Variants in DLGAP1 observed in about 807,000 individuals in gnomAD.
The protein encoded by DLGAP1 is DLG associated protein 1.
Under a neutral mutation model 90.8 loss-of-function variants are expected in DLGAP1, and 11 were observed. The ratio of observed to expected loss-of-function variants is 0.12; its 90% CI spans 0.08 to 0.20. The LOEUF (loss-of-function observed/expected upper bound fraction) is 0.20. Among genes scored for constraint, DLGAP1 ranks in the 10% least tolerant of loss-of-function variants. The pLI, the probability that DLGAP1 is intolerant of heterozygous loss-of-function variation, is 1.00. For missense variants in DLGAP1, 1,050 were observed against 1,333.8 expected, an observed-to-expected ratio of 0.79 and a Z score of 3.31; for synonymous variants, 558 against 540.7, an observed-to-expected ratio of 1.03 and a Z score of -0.44.
intron 2 of DLGAP1, among the ~76,000 whole-genome samples, chr18:4,101,571 GC>G (rs1361989956): frequency 6.6e-6 from 1 of 152,086 alleles, no homozygotes; most frequent in African/African-American, 2.4e-5. Context: ...ACGCAGGGTT[GC>G]CACAAACCTT....
intron 1 of DLGAP1, among the ~76,000 whole-genome samples, chr18:4,321,736 G>T (rs535199754): frequency 6.6e-6 from 1 of 152,302 alleles, no homozygotes; most frequent in African/African-American, 2.4e-5. Flanking sequence ...TATTTTATCA[G>T]TTAAGACATT....
chr18:4,336,627 T>A (rs1020729667), intron 1 of DLGAP1, among the ~76,000 whole-genome samples: 1 of 152,160 alleles, frequency 6.6e-6, no homozygotes, highest in Non-Finnish European at 1.5e-5. Flanking sequence ...TCTAATCTTA[T>A]CTCATGTAAG....
At chr18:3,943,742 T>G (rs564965101) in intron 3 of DLGAP1, among the ~76,000 whole-genome samples, 174 of 152,338 alleles carry the variant, frequency 1.1e-3, no homozygotes, top group African/African-American at 3.9e-3. Flanking sequence ...TAACCCCCAG[T>G]GTCTCGGAAT....
intron 6 of DLGAP1, among the ~76,000 whole-genome samples, chr18:3,737,417 T>C (rs2062694257): frequency 7.1e-6 from 1 of 141,070 alleles, no homozygotes; most frequent in Non-Finnish European, 1.5e-5. Context: ...TCAAAAAGCT[T>C]ATCCACCATG....
In DLGAP1 at chr18:3,729,989, G is replaced by A. The variant is rs1357453070; in HGVS notation, c.1351-614C>T. Among the ~76,000 whole-genome samples, 1 of 152,170 alleles carries A rather than the reference G, an allele frequency of 6.6e-6. No homozygotes were observed. Among genetic ancestry groups the A allele is most frequent in the African/African-American group, 2.4e-5 (1 of 41,436 alleles). On this transcript the variant is annotated intron_variant, in intron 6 of 12. Transcript: ENST00000315677. The surrounding 1 kb of genome is among the most constrained non-coding windows in gnomAD (Gnocchi z 6.2). ...AAACATGCCCTATATTTTCTGGCAA[G>A]ATACTCACGTTTTGCACAAAAATAG...
chr18:3,747,316 T>C lies in DLGAP1; in HGVS notation c.1173-4804A>G, dbSNP rs1299639871. ...ATTTTCCATGTGTTACGTGCTATTA[T>C]GGTGATTCCAGCTGCATCGCTTTAT... On this transcript the variant is annotated intron_variant, in intron 5 of 12. Transcript: ENST00000315677. 4.6e-5 allele frequency among the ~76,000 whole-genome samples: 7 copies of C among 152,238 alleles called. No homozygotes were observed. The East Asian group carries it at 1.2e-3, about 25-fold the overall frequency.
intron 4 of DLGAP1, among the ~76,000 whole-genome samples, chr18:3,832,122 A>G (rs2068062665): frequency 6.6e-6 from 1 of 152,214 alleles, no homozygotes; most frequent in Non-Finnish European, 1.5e-5. Context: ...GCATATAGAA[A>G]TAACCAGAAC....
chr18:4,053,640 C>T (rs2075169586), intron 2 of DLGAP1, among the ~76,000 whole-genome samples: 1 of 152,180 alleles, frequency 6.6e-6, no homozygotes, highest in Non-Finnish European at 1.5e-5. Flanking sequence ...GCCTGCTTCC[C>T]CTTCACCTTT....
intron 3 of DLGAP1, among the ~76,000 whole-genome samples, chr18:3,941,199 G>A (rs1267178929): frequency 1.3e-5 from 2 of 152,344 alleles, no homozygotes; most frequent in African/African-American, 4.8e-5. Context: ...ACCGGTAACT[G>A]GAGGTACAAA....
chr18:4,152,224 G>T (rs1598492785), intron 1 of DLGAP1, among the ~76,000 whole-genome samples: 1 of 152,202 alleles, frequency 6.6e-6, no homozygotes, highest in East Asian at 1.9e-4. Context: ...TATTCTTTTG[G>T]ATCTAGGTAG....
At chr18:4,409,677 G>T (rs2082735564) in intron 1 of DLGAP1, among the ~76,000 whole-genome samples, 1 of 152,048 alleles carries the variant, frequency 6.6e-6, no homozygotes, top group African/African-American at 2.4e-5. Context: ...TAGTGATGTT[G>T]ATAATTTTTT....
intron 1 of DLGAP1, among the ~76,000 whole-genome samples, chr18:4,335,545 T>A (rs913583780): frequency 6.7e-6 from 1 of 149,692 alleles, no homozygotes; most frequent in Admixed American, 6.6e-5. Context: ...TTACTTTAAC[T>A]GCAATGGGAA....
At chr18:4,274,742 A>C (rs2079371283) in intron 1 of DLGAP1, among the ~76,000 whole-genome samples, 1 of 152,208 alleles carries the variant, frequency 6.6e-6, no homozygotes, top group Non-Finnish European at 1.5e-5. Flanking sequence ...GAGTATTTGA[A>C]AACCCCGCTT....
At chr18:4,304,421 T>C (rs1015604432) in intron 1 of DLGAP1, among the ~76,000 whole-genome samples, 5 of 152,236 alleles carry the variant, frequency 3.3e-5, no homozygotes, top group African/African-American at 1.2e-4. Context: ...TGCTTTTTCA[T>C]ATTAATGTTT....
chr18:3,755,869 T>A (rs956361000), intron 5 of DLGAP1, among the ~76,000 whole-genome samples: 24 of 152,126 alleles, frequency 1.6e-4, no homozygotes, highest in African/African-American at 5.8e-4. Context: ...ATACATACTA[T>A]TTTCAAGTGC....
At chr18:3,592,934 A>C (rs1207199982) in intron 7 of DLGAP1, among the ~76,000 whole-genome samples, 2 of 151,992 alleles carry the variant, frequency 1.3e-5, no homozygotes, top group Non-Finnish European at 2.9e-5. Context: ...GAAAAGAAAA[A>C]GAAGAAAATA....
rs796485594 is a variant in DLGAP1, at chr18:3,782,467, G to C, written c.1172+31592C>G. ...CCAAGATTTAAAGTATGAAGCATTC[G>C]GCACAAAACAAAGACTAATCATGTG... On this transcript the variant is annotated intron_variant, in intron 5 of 12. Transcript: ENST00000315677. Among the ~76,000 whole-genome samples the C allele has an allele frequency of 8.4e-4, 128 of 152,232 alleles. 1 individual carries two copies. The highest frequency in any genetic ancestry group is 3.0e-3 in the African/African-American group (126 of 41,534).
intron 2 of DLGAP1, among the ~76,000 whole-genome samples, chr18:4,015,172 G>A (rs2074500215): frequency 6.6e-6 from 1 of 152,160 alleles, no homozygotes; most frequent in Non-Finnish European, 1.5e-5. Context: ...CACTTAGAGA[G>A]ACTTACAGAG....
Position 4,379,899 on chromosome 18 carries a change from T to C in DLGAP1, c.-267+75107A>G, listed in dbSNP as rs543536192. Among the ~76,000 whole-genome samples, 114 of 152,332 alleles carry C rather than the reference T, an allele frequency of 7.5e-4. 1 individual carries two copies. The highest frequency in any genetic ancestry group is 2.5e-3 in the African/African-American group (103 of 41,594). On this transcript the variant is annotated intron_variant, in intron 1 of 12. Coordinates refer to ENST00000315677, the MANE Select transcript of DLGAP1 (RefSeq NM_004746.4). ...AGATCCTTAAAAAGATGTTTTGTGCTAGAAAATTTAAGCCAATTTTGAAAA... is the reference window on the plus strand; with the variant it reads ...AGATCCTTAAAAAGATGTTTTGTGCCAGAAAATTTAAGCCAATTTTGAAAA...
Sources: gnomAD v4.1 joint callset for allele counts (sites outside exome capture counted in the v4.1 genomes callset) on GRCh38, gnomAD v4.1.1 for gene constraint, Gnocchi (gnomAD v3.1) non-coding constraint, MANE v1.5 for transcripts, NCBI Gene and HGNC (gene_info 2026-07-23, HGNC 2026-07-21) for gene names.